Variants in PLEC observed in about 807,000 individuals in gnomAD.
The protein encoded by PLEC is plectin, also known as hemidesmosomal protein 1.
A neutral mutation model predicts 392.8 loss-of-function variants in PLEC; 216 were observed. That is an observed-to-expected ratio of 0.55 (90% CI 0.49 to 0.62). The LOEUF is 0.62. Among genes scored for constraint, PLEC ranks in the 20% least tolerant of loss-of-function variants. The pLI is 0.00. For synonymous variants in PLEC, 3,621 were observed against 2,980.6 expected, an observed-to-expected ratio of 1.21 and a Z score of -7.00; for missense variants, 6,863 against 6,563.4, an observed-to-expected ratio of 1.05 and a Z score of -1.58.
chr8:143,920,742 C>A lies in PLEC; in HGVS notation c.9079G>T (p.Ala3027Ser). The A allele has an allele frequency of 1.2e-6, 2 of 1,604,798 alleles. No homozygotes were observed. Among genetic ancestry groups the A allele is most frequent in the South Asian group, 2.2e-5 (2 of 91,086 alleles). ...RRALRGANVI[A>S]GVWLEEAGQK... ...CCCGCCTCCTCCAGCCATACACCCG[C>A]GATGACGTTGGCACCCCGGAGAGCC... The change falls in exon 32 of 32, where the codon GCG (alanine) becomes TCG (serine). Residue 3027 changes from alanine (A) to serine (S), a missense_variant. Physicochemically the swap from Ala to Ser is moderately conservative, Grantham distance 99. Transcript: ENST00000345136.
chr8:143,939,217 T>A, intron 1 of PLEC, 133 bp downstream of exon 1: 1 of 1,257,056 alleles, frequency 8.0e-7, no homozygotes, highest in Middle Eastern at 2.6e-4. Flanking sequence ...TGGGTGGGGA[T>A]GGCTGGCCCC....
At chr8:143,943,785 C>G, upstream of PLEC, 1 of 1,611,486 alleles carries the variant, frequency 6.2e-7, no homozygotes, top group Non-Finnish European at 8.5e-7. Flanking sequence ...TTACCTTGCT[C>G]GTCCTGCGCC....
chr8:143,934,585 GGC>G, intron 10 of PLEC, 48 bp downstream of exon 10: 1 of 1,602,436 alleles, frequency 6.2e-7, no homozygotes, highest in Non-Finnish European at 8.5e-7. Flanking sequence ...GAACCTTTCA[GGC>G]CTGGGGCGTT....
intron 1 of PLEC, among the ~76,000 whole-genome samples, chr8:143,947,051 C>T (rs1402107854): frequency 6.6e-6 from 1 of 152,160 alleles, no homozygotes; most frequent in African/African-American, 2.4e-5. Flanking sequence ...AGCCTGCCGG[C>T]GATCTACAGA....
upstream of PLEC, chr8:143,951,021 T>G: frequency 2.0e-6 from 1 of 491,996 alleles, no homozygotes; most frequent in Non-Finnish European, 3.6e-6. Flanking sequence ...GGGGCCCTTG[T>G]AGAGTGGGGG....
chr8:143,930,108 C>G, intron 21 of PLEC, 36 bp downstream of exon 21: 3 of 1,599,056 alleles, frequency 1.9e-6, no homozygotes, highest in Non-Finnish European at 2.5e-6. Flanking sequence ...CCCCACCCGC[C>G]TTCCAGCCCC....
chr8:143,931,916 G>A (rs368450826), intron 18 of PLEC, 21 bp downstream of exon 18: 68 of 1,589,104 alleles, frequency 4.3e-5, no homozygotes, highest in East Asian at 1.8e-4. Context: ...GCCACAGTGC[G>A]GAGGGGGCTC....
chr8:143,933,060 T>C lies in PLEC; in HGVS notation c.1470A>G (p.Leu490=). The C allele has an allele frequency of 1.3e-6, 2 of 1,592,100 alleles. No individual in the cohort carries two copies. The highest frequency in any genetic ancestry group is 1.7e-6 in the Non-Finnish European group (2 of 1,170,868). ...RLVAIRTEYN[L]RLKAGVAAPA... ...GGGCCGCCACGCCTGCCTTCAGCCG[T>C]AGGTTGTACTCGGTGCGGATGGCTA... Residue 490 remains leucine, a synonymous_variant, in exon 14 of 32, where the codon CTA becomes CTG. Transcript: ENST00000345136.
In PLEC at chr8:143,934,970, G is replaced by A. The variant is rs537839537; in HGVS notation, c.825+41C>T. On this transcript the variant is annotated intron_variant, in intron 8 of 31. Coordinates refer to ENST00000345136, the MANE Select transcript of PLEC (RefSeq NM_201384.3). ...GGCGGCTGTCAGGGGTCGTCGGGGCGTCCAGGCCCAAGCCCCCTGCCCTCC... is the reference window on the plus strand; with the variant it reads ...GGCGGCTGTCAGGGGTCGTCGGGGCATCCAGGCCCAAGCCCCCTGCCCTCC... 27 of 1,610,812 alleles carry A rather than the reference G, an allele frequency of 1.7e-5. 2 individuals carry two copies. Among genetic ancestry groups the A allele is most frequent in the South Asian group, 1.2e-4 (11 of 91,012 alleles).
rs554208666 is a variant in PLEC, at chr8:143,965,480, C to A, written c.70+7923G>T. On this transcript the variant is annotated intron_variant, in intron 1 of 31. Coordinates refer to the PLEC transcript ENST00000356346. The stretch of plus-strand genomic sequence containing the variant: ...ATGCCCCATTTTGGGTCCCTGACCT[C>A]ATGACCCACGGCCCCTGCTCTCCCA... Among the ~76,000 whole-genome samples the A allele has an allele frequency of 5.4e-5, 8 of 148,992 alleles. No homozygotes were observed. The East Asian group carries it at 5.9e-4, about 11-fold the overall frequency.
At position 143,923,999 on chromosome 8, in the gene PLEC, G is replaced by A. The variant is rs398123401; in HGVS notation, c.5930C>T (p.Ala1977Val). 1.1e-4 allele frequency: 176 copies of A among 1,584,396 alleles called. No homozygotes were observed. Among genetic ancestry groups the A allele is most frequent in the African/African-American group, 7.5e-4 (56 of 74,486 alleles). Residue 1977 changes from alanine to valine, a missense_variant, in exon 31 of 32, where the codon GCG becomes GTG. Coordinates refer to ENST00000345136, the MANE Select transcript of PLEC (RefSeq NM_201384.3). ...LEAARQRQLAAEEERRRREAE... is the reference protein window; with the variant it reads ...LEAARQRQLAVEEERRRREAE... ...CTCACGGCGCCGCCGCTCCTCCTCC[G>A]CCGCCAGCTGCCGCTGCCTCGCAGC...
chr8:143,948,434 CCT>C (rs1373962590), intron 1 of PLEC, among the ~76,000 whole-genome samples: 1 of 152,244 alleles, frequency 6.6e-6, no homozygotes, highest in African/African-American at 2.4e-5. Flanking sequence ...CATCCGGACC[CCT>C]GTCACTGCCT....
intron 17 of PLEC, 36 bp downstream of exon 17, chr8:143,932,094 C>A: frequency 6.3e-7 from 1 of 1,581,252 alleles, no homozygotes; most frequent in Non-Finnish European, 8.6e-7. Context: ...CGGCACGGCC[C>A]CCCCCGCAGC....
Position 143,924,558 on chromosome 8 carries a change from C to A in PLEC, c.5371G>T (p.Ala1791Ser), listed in dbSNP as rs563085221. Residue 1791 changes from alanine to serine, a missense_variant, in exon 31 of 32, where the codon GCC becomes TCC. By Grantham distance (99) the Ala-to-Ser change is moderately conservative. Transcript: ENST00000345136. ...TSEKSKQRLE[A>S]EAGRFRELAE... ...AGCTCGCGGAACCGGCCGGCCTCGG[C>A]CTCCAGCCTCTGCTTGGACTTCTCG... The A allele has an allele frequency of 7.1e-6, 11 of 1,546,660 alleles. No homozygotes were observed. The highest frequency in any genetic ancestry group is 9.5e-6 in the Non-Finnish European group (11 of 1,153,392).
upstream of PLEC, among the ~76,000 whole-genome samples, chr8:143,941,597 C>T (rs1209655834): frequency 6.6e-6 from 1 of 152,110 alleles, no homozygotes; most frequent in Non-Finnish European, 1.5e-5. Context: ...GCTCAAGCTC[C>T]CCTTCCCTAC....
intron 1 of PLEC, among the ~76,000 whole-genome samples, chr8:143,962,923 G>C (rs1480774613): frequency 3.9e-5 from 6 of 152,186 alleles, no homozygotes; most frequent in Non-Finnish European, 8.8e-5. Context: ...AGCCTATTTA[G>C]ATTGCAAAAG....
chr8:143,920,740 C>A lies in PLEC; in HGVS notation c.9081G>T (p.Ala3027=), dbSNP rs199758196. ...GCCCCGCCTCCTCCAGCCATACACC[C>A]GCGATGACGTTGGCACCCCGGAGAG... The part of the protein sequence containing the change: ...RRALRGANVI[A]GVWLEEAGQK... The change falls in exon 32 of 32, where the codon GCG becomes GCT. Residue 3027 remains alanine, a synonymous_variant. Transcript: ENST00000345136. The A allele has an allele frequency of 1.1e-5, 17 of 1,604,640 alleles. No homozygotes were observed. The East Asian group carries it at 2.7e-4, about 25-fold the overall frequency.
upstream of PLEC, among the ~76,000 whole-genome samples, chr8:143,952,208 A>ACACACACACACACG (rs1167020542): frequency 7.6e-6 from 1 of 130,888 alleles, no homozygotes. Flanking sequence ...ACACACACAC[A>ACACACACACACACG]CGCGCGCACA....
At chr8:143,958,759 G>A (rs1164830746), upstream of PLEC, 1 of 375,934 alleles carries the variant, frequency 2.7e-6, no homozygotes, top group Non-Finnish European at 5.7e-6. This position sits in a 1 kb window ranked among gnomAD's most constrained non-coding sequence, Gnocchi z 4.9. Context: ...CTGATCCATG[G>A]TGGCTCCCCC....
Sources: allele counts gnomAD v4.1 joint callset (sites outside exome capture counted in the v4.1 genomes callset), GRCh38; gene constraint gnomAD v4.1.1; non-coding constraint Gnocchi (gnomAD v3.1); transcripts MANE v1.5; gene names NCBI Gene and HGNC (gene_info 2026-07-23, HGNC 2026-07-21).